The following PDGFRA variants were observed in gnomAD, a reference collection of about 807,000 sequenced individuals.
PDGFRA encodes platelet-derived growth factor receptor alpha.
A neutral mutation model predicts 121.5 loss-of-function variants in PDGFRA; 25 were observed. The ratio of observed to expected loss-of-function variants is 0.21; its 90% CI spans 0.15 to 0.29. The LOEUF (loss-of-function observed/expected upper bound fraction) is 0.29, where lower values mean the gene tolerates loss of function less well. Ranked by LOEUF, PDGFRA falls within the 10% of genes least tolerant of loss-of-function variation. The pLI is 1.00. For missense variants in PDGFRA, 1,008 were observed against 1,345.1 expected, an observed-to-expected ratio of 0.75 and a Z score of 3.92; for synonymous variants, 463 against 494.8, an observed-to-expected ratio of 0.94 and a Z score of 0.85.
intron 2 of PDGFRA, 28 bp downstream of exon 2, chr4:54,258,845 CTTGTTTGGGTGTCTTG>C: frequency 6.2e-7 from 1 of 1,600,786 alleles, no homozygotes; most frequent in Non-Finnish European, 8.6e-7. Flanking sequence ...CTCTGAGTTC[CTTGTTTGGGTGTCTTG>C]TTTTTTTAAG....
At chr4:54,248,212 CTACTT>C (rs1721812773) in intron 1 of PDGFRA, among the ~76,000 whole-genome samples, 2 of 152,198 alleles carry the variant, frequency 1.3e-5, no homozygotes, top group African/African-American at 4.8e-5. Flanking sequence ...TTGGAAAAAA[CTACTT>C]TAAAGTTCAT....
intron 15 of PDGFRA, chr4:54,278,796 C>T (rs1723905394): frequency 3.5e-6 from 2 of 574,590 alleles, no homozygotes; most frequent in African/African-American, 1.8e-5. Context: ...TACATGTGAT[C>T]CACTTAGACC....
intron 1 of PDGFRA, among the ~76,000 whole-genome samples, chr4:54,254,590 C>T (rs1577696134): frequency 6.6e-6 from 1 of 152,166 alleles, no homozygotes; most frequent in East Asian, 1.9e-4. Flanking sequence ...GCATCATTGG[C>T]AAGCCTTGCC....
At chr4:54,247,785 C>T (rs1479616960) in intron 1 of PDGFRA, among the ~76,000 whole-genome samples, 2 of 152,104 alleles carry the variant, frequency 1.3e-5, no homozygotes, top group African/African-American at 4.8e-5. Flanking sequence ...TCAAATTGTC[C>T]CTGTTTGCGG....
At chr4:54,274,994 T>G (rs1723642279) in intron 12 of PDGFRA, 21 bp downstream of exon 12, 1 of 1,613,280 alleles carries the variant, frequency 6.2e-7, no homozygotes, top group African/African-American at 1.3e-5. Context: ...TGGGGTAACC[T>G]CCCAAGACTC....
intron 22 of PDGFRA, 148 bp downstream of exon 22, chr4:54,290,702 GT>G (rs1436876098): frequency 2.2e-6 from 2 of 888,978 alleles, no homozygotes; most frequent in Non-Finnish European, 3.7e-6. Context: ...GGTCCACGTG[GT>G]TTTGAAAATG....
intron 9 of PDGFRA, among the ~76,000 whole-genome samples, chr4:54,273,236 G>T (rs1243999846): frequency 6.6e-6 from 1 of 152,152 alleles, no homozygotes; most frequent in East Asian, 1.9e-4. Flanking sequence ...GGTTGAAGTT[G>T]AACTGTTCAG....
chr4:54,244,694 A>G (rs1721521854), intron 1 of PDGFRA, among the ~76,000 whole-genome samples: 1 of 152,282 alleles, frequency 6.6e-6, no homozygotes, highest in Admixed American at 6.5e-5. Flanking sequence ...GCTCCTCACC[A>G]GCAATGGAAC....
chr4:54,266,725 A>G (rs994398154), intron 5 of PDGFRA, among the ~76,000 whole-genome samples: 4 of 150,076 alleles, frequency 2.7e-5, no homozygotes, highest in Non-Finnish European at 5.9e-5. Flanking sequence ...TCATGCCTGT[A>G]ATCCCAGTAC....
intron 22 of PDGFRA, among the ~76,000 whole-genome samples, chr4:54,293,429 C>CTT (rs35064429): frequency 0.022 from 2,593 of 116,080 alleles, 108 homozygotes; most frequent in Admixed American, 0.053. Flanking sequence ...CCTAGAATTT[C>CTT]TTTTTTTTTT....
At position 54,285,944 on chromosome 4, in the gene PDGFRA, A is replaced by G. The variant is rs2110338305; in HGVS notation, c.2543A>G (p.Asn848Ser). The change falls in exon 18 of 23, where the codon AAC becomes AGC. Residue 848 changes from asparagine to serine, a missense_variant. Transcript: ENST00000257290. Reference protein sequence around the residue: ...GLARDIMHDSNYVSKGSTFLP... With the variant: ...GLARDIMHDSSYVSKGSTFLP... ...GCCAGAGACATCATGCATGATTCGA[A>G]CTATGTGTCGAAAGGCAGTGTACGT... The G allele has an allele frequency of 6.2e-7, 1 of 1,614,066 alleles. No homozygotes were observed. Among genetic ancestry groups the G allele is most frequent in the Middle Eastern group, 1.6e-4 (1 of 6,062 alleles).
intron 16 of PDGFRA, chr4:54,281,647 T>G: frequency 7.3e-7 from 1 of 1,360,632 alleles, no homozygotes; most frequent in Non-Finnish European, 9.7e-7. Context: ...CAAGCCCTGT[T>G]GGCAGGCAGA....
intron 1 of PDGFRA, among the ~76,000 whole-genome samples, chr4:54,237,506 G>A (rs1041528629): frequency 6.6e-6 from 1 of 152,192 alleles, no homozygotes; most frequent in African/African-American, 2.4e-5. Flanking sequence ...ACATCAAGCT[G>A]GCTCTGGAGG....
chr4:54,288,779 T>C lies in PDGFRA; in HGVS notation c.2675-20T>C, dbSNP rs1221788070. 7 of 1,414,924 alleles carry C rather than the reference T, an allele frequency of 4.9e-6. No homozygotes were observed. In the Admixed American group the frequency reaches 1.2e-4, roughly 24 times the overall value. 87.6% of individuals were successfully genotyped at this position (1,414,924 alleles called of 1,614,324 possible). On this transcript the variant is annotated intron_variant, in intron 19 of 22. Transcript: ENST00000257290. ...CACTGAGCGTTTGTTAGTCCTGGTGTTTTATTGTTTGGCTTTTAGGTGGCA... is the reference window on the plus strand; with the variant it reads ...CACTGAGCGTTTGTTAGTCCTGGTGCTTTATTGTTTGGCTTTTAGGTGGCA...
intron 16 of PDGFRA, chr4:54,281,637 C>T (rs1724081557): frequency 1.5e-6 from 2 of 1,360,104 alleles, no homozygotes; most frequent in Non-Finnish European, 1.9e-6. Flanking sequence ...TGCTCAGGCC[C>T]AAGCCCTGTT....
At chr4:54,278,143 T>C in intron 14 of PDGFRA, 137 bp downstream of exon 14, 1 of 728,628 alleles carries the variant, frequency 1.4e-6, no homozygotes, top group Non-Finnish European at 2.4e-6. Context: ...AGCTGACTGG[T>C]CCCTTGAATT....
intron 22 of PDGFRA, among the ~76,000 whole-genome samples, chr4:54,291,711 G>A (rs1490962857): frequency 1.3e-5 from 2 of 152,160 alleles, no homozygotes; most frequent in Non-Finnish European, 2.9e-5. Context: ...ATTGTGGAAA[G>A]CAGTGTGGTG....
rs149899465 is a variant in PDGFRA at position 54,273,594 on chromosome 4, G to A, written c.1422G>A (p.Thr474=). ...ILANNVSNII[T]EIHSRDRSTV... is the part of the protein sequence containing the mutation. ...CCAACAATGTCTCAAACATCATCAC[G>A]GAGATCCACTCCCGAGACAGGAGTA... Residue 474 remains threonine, a synonymous_variant, in exon 10 of 23, where the codon ACG becomes ACA. Transcript: ENST00000257290. 2.7e-5 allele frequency: 43 copies of A among 1,613,882 alleles called. No homozygotes were observed. Among genetic ancestry groups the A allele is most frequent in the Admixed American group, 6.7e-5 (4 of 59,992 alleles).
intron 1 of PDGFRA, among the ~76,000 whole-genome samples, chr4:54,248,923 T>G (rs1260370615): frequency 6.6e-6 from 1 of 152,110 alleles, no homozygotes; most frequent in African/African-American, 2.4e-5. Context: ...GAACAGACAC[T>G]TCTCAAAAGA....
Sources: gnomAD v4.1 joint callset for allele counts (sites outside exome capture counted in the v4.1 genomes callset) on GRCh38, gnomAD v4.1.1 for gene constraint, MANE v1.5 for transcripts, NCBI Gene and HGNC (gene_info 2026-07-23, HGNC 2026-07-21) for gene names.